ZNF454: variants seen among roughly 807,000 people sequenced by gnomAD.
ZNF454 encodes zinc finger protein 454.
In ZNF454, 30 loss-of-function variants were observed where a neutral mutation model predicts 48.2. The observed-to-expected ratio is 0.62, with a 90% CI of 0.47 to 0.84. The LOEUF (loss-of-function observed/expected upper bound fraction) is 0.84. Ranked by LOEUF, ZNF454 falls within the 40% of genes least tolerant of loss-of-function variation. The pLI is 0.00. For synonymous variants in ZNF454, 204 were observed against 211.4 expected, an observed-to-expected ratio of 0.97 and a Z score of 0.30; for missense variants, 510 against 623.1, an observed-to-expected ratio of 0.82 and a Z score of 1.93.
At chr5:178,979,345 G>C in the ZNF454 span, 2 of 152,240 alleles carry the variant, frequency 1.3e-5, no homozygotes, top group African/African-American at 2.4e-5. Flanking sequence ...GTGTACATCA[G>C]AAAATTCTGG....
intron 4 of ZNF454, among the ~76,000 whole-genome samples, chr5:178,961,633 C>T (rs1042459013): frequency 3.3e-5 from 5 of 151,234 alleles, no homozygotes; most frequent in East Asian, 2.1e-4. Flanking sequence ...CTGGGCAACA[C>T]GGTGAAACCC....
chr5:178,948,567 A>G (rs1406132676), intron 4 of ZNF454, among the ~76,000 whole-genome samples: 1 of 152,118 alleles, frequency 6.6e-6, no homozygotes, highest in Non-Finnish European at 1.5e-5. Flanking sequence ...GGGTGATGAC[A>G]TGAAGGTACA....
In ZNF454 at chr5:178,965,504, T is replaced by G. The variant is rs1442097206; in HGVS notation, c.1100T>G (p.Val367Gly). 1.2e-6 allele frequency: 2 copies of G among 1,613,340 alleles called. No individual in the cohort carries two copies. The highest frequency in any genetic ancestry group is 1.7e-6 in the Non-Finnish European group (2 of 1,179,810). The change falls in exon 5 of 5, where the codon GTG becomes GGG. Residue 367 changes from valine to glycine, a missense_variant. Coordinates refer to ENST00000519564, the MANE Select transcript of ZNF454 (RefSeq NM_001178089.3). This position sits in a 1 kb window ranked among gnomAD's most constrained non-coding sequence, Gnocchi z 5.2. ...ECNECGKAFR[V>G]NSSLTEHQRI... Reference sequence around the variant, plus strand: ...AATGAATGTGGGAAGGCCTTCAGGGTGAACTCTTCCCTTACTGAACATCAG... The same window carrying G: ...AATGAATGTGGGAAGGCCTTCAGGGGGAACTCTTCCCTTACTGAACATCAG...
At chr5:178,943,609 T>C (rs1759199554) in intron 2 of ZNF454, among the ~76,000 whole-genome samples, 1 of 152,186 alleles carries the variant, frequency 6.6e-6, no homozygotes, top group South Asian at 2.1e-4. Context: ...GGAGGTGTGA[T>C]TTACTAGACT....
At chr5:178,986,823 G>C in the ZNF454 span, 1 of 1,613,448 alleles carries the variant, frequency 6.2e-7, no homozygotes, top group Non-Finnish European at 8.5e-7. Context: ...CCTGGGGCTC[G>C]GTCTGCACAC....
chr5:178,988,348 GA>G, the ZNF454 span, among the ~76,000 whole-genome samples: 25 of 152,228 alleles, frequency 1.6e-4, no homozygotes, highest in Admixed American at 1.3e-3. The surrounding 1 kb of genome is among the most constrained non-coding windows in gnomAD (Gnocchi z 6.0). Flanking sequence ...GGTGGTGAGT[GA>G]GTGTTCAGTG....
At chr5:178,968,105 T>TCACACA (rs3031585), downstream of ZNF454, among the ~76,000 whole-genome samples, 7,138 of 145,018 alleles carry the variant, frequency 0.049, 292 homozygotes, top group East Asian at 0.13. Flanking sequence ...CATCTGTGCA[T>TCACACA]CACACACACA....
At chr5:178,968,104 A>AACACAC (rs1760192241), downstream of ZNF454, among the ~76,000 whole-genome samples, 5 of 40,280 alleles carry the variant, frequency 1.2e-4, no homozygotes, top group African/African-American at 4.1e-4. Flanking sequence ...ACATCTGTGC[A>AACACAC]TCACACACAC....
chr5:178,981,285 G>T, the ZNF454 span: 1 of 266,428 alleles, frequency 3.8e-6, no homozygotes, highest in South Asian at 4.9e-5. The surrounding 1 kb of genome is among the most constrained non-coding windows in gnomAD (Gnocchi z 5.1). Context: ...CAATCCCCAG[G>T]TTATGGGGGT....
chr5:178,986,034 C>A, the ZNF454 span: 2 of 1,171,058 alleles, frequency 1.7e-6, no homozygotes, highest in African/African-American at 3.0e-5. Flanking sequence ...GGTGCTGGGA[C>A]TACAGGCGTG....
intron 4 of ZNF454, among the ~76,000 whole-genome samples, chr5:178,956,519 G>GAAAAAAA (rs397955241): frequency 1.8e-5 from 2 of 112,362 alleles, no homozygotes; most frequent in Admixed American, 9.8e-5. Flanking sequence ...CTCCTGAAAA[G>GAAAAAAA]AAAAAAAAAA....
chr5:178,947,097 G>GC (rs1759370307), intron 4 of ZNF454, 111 bp downstream of exon 4: 2 of 869,058 alleles, frequency 2.3e-6, no homozygotes, highest in South Asian at 1.6e-5. Context: ...TTGAGAAAGA[G>GC]CCTGTTTCAC....
At position 178,941,281 on chromosome 5, in the gene ZNF454, G is replaced by A. The variant is rs1466703062; in HGVS notation, c.-271G>A. On this transcript the variant is annotated 5_prime_UTR_variant, in exon 1 of 5. Coordinates refer to ENST00000519564, the MANE Select transcript of ZNF454 (RefSeq NM_001178089.3). This position sits in a 1 kb window ranked among gnomAD's most constrained non-coding sequence, Gnocchi z 5.5. ...CTCTCGCCGCCGGCAGAGGCTCCTC[G>A]AAGAGCGACACGGGGCTGACCAGGC... 1 of 411,770 alleles carries A rather than the reference G, an allele frequency of 2.4e-6. No homozygotes were observed. The highest frequency in any genetic ancestry group is 4.9e-6 in the Non-Finnish European group (1 of 203,404). 25.5% of individuals were successfully genotyped at this position (411,770 alleles called of 1,614,324 possible).
intron 2 of ZNF454, among the ~76,000 whole-genome samples, chr5:178,945,113 G>A (rs868190600): frequency 2.0e-4 from 30 of 147,580 alleles, no homozygotes; most frequent in South Asian, 1.1e-3. Context: ...GTGTGTGTGC[G>A]CGCTTGCATG....
At chr5:178,989,577 G>T in the ZNF454 span, among the ~76,000 whole-genome samples, 1 of 151,864 alleles carries the variant, frequency 6.6e-6, no homozygotes, top group Non-Finnish European at 1.5e-5. Context: ...AGTTAGGCGT[G>T]GCCAGGTGAG....
In ZNF454 at chr5:178,946,525, G is replaced by T; in HGVS notation, c.160+40G>T. On this transcript the variant is annotated intron_variant, in intron 3 of 4. Transcript: ENST00000519564. This position sits in a 1 kb window ranked among gnomAD's most constrained non-coding sequence, Gnocchi z 4.5. ...TGCAAGGTTTCTCTTCACTTTTGGG[G>T]ATCTCTTTGGGACCCTTACATTGAC... The T allele has an allele frequency of 6.4e-7, 1 of 1,568,578 alleles. No individual in the cohort carries two copies. The highest frequency in any genetic ancestry group is 8.6e-7 in the Non-Finnish European group (1 of 1,162,222).
the ZNF454 span, chr5:178,985,701 T>TTA: frequency 2.9e-6 from 1 of 346,348 alleles, no homozygotes; most frequent in Non-Finnish European, 5.4e-6. Context: ...AGACTCTGTC[T>TTA]AAAAAAAAAA....
chr5:178,977,340 A>T, the ZNF454 span: 1 of 447,768 alleles, frequency 2.2e-6, no homozygotes, highest in Admixed American at 2.4e-5. Flanking sequence ...GTGCCCTCAC[A>T]CTTCCCACCA....
At chr5:178,987,490 C>T in the ZNF454 span, 3 of 455,288 alleles carry the variant, frequency 6.6e-6, no homozygotes, top group East Asian at 7.0e-5. Flanking sequence ...AAAAGGAAGG[C>T]AGTTCTGACC....
Sources: allele counts gnomAD v4.1 joint callset (sites outside exome capture counted in the v4.1 genomes callset), GRCh38; gene constraint gnomAD v4.1.1; non-coding constraint Gnocchi (gnomAD v3.1); transcripts MANE v1.5; gene names NCBI Gene and HGNC (gene_info 2026-07-23, HGNC 2026-07-21).